Variants in R3HDM2 observed in about 807,000 individuals in gnomAD.
R3HDM2 encodes R3H domain containing 2, also known as R3H domain-containing protein 2.
A neutral mutation model predicts 124.5 loss-of-function variants in R3HDM2; 38 were observed. That is an observed-to-expected ratio of 0.31 (90% CI 0.24 to 0.40). R3HDM2 has a LOEUF of 0.40. Ranked by LOEUF, R3HDM2 falls within the 10% of genes least tolerant of loss-of-function variation. The pLI, the probability that R3HDM2 is intolerant of heterozygous loss-of-function variation, is 1.00. For synonymous variants in R3HDM2, 391 were observed against 448.0 expected (o/e 0.87, Z 1.61); for missense variants, 869 against 1,236.9 (o/e 0.70, Z 4.46).
intron 19 of R3HDM2, among the ~76,000 whole-genome samples, chr12:57,264,866 G>C (rs147136265): frequency 2.6e-5 from 4 of 152,174 alleles, no homozygotes; most frequent in Admixed American, 2.6e-4. Flanking sequence ...CGAACTCCTG[G>C]CTTCAAGAAA....
At chr12:57,371,541 C>A (rs1035316726) in intron 2 of R3HDM2, among the ~76,000 whole-genome samples, 4 of 151,966 alleles carry the variant, frequency 2.6e-5, no homozygotes, top group African/African-American at 9.7e-5. Context: ...AGCCAATCCC[C>A]CACAACCCAA....
intron 1 of R3HDM2, among the ~76,000 whole-genome samples, chr12:57,422,797 A>G (rs1321455061): frequency 6.6e-6 from 1 of 151,754 alleles, no homozygotes; most frequent in African/African-American, 2.4e-5. Flanking sequence ...CCTGGGCAAC[A>G]CAGGAAGAAC....
At chr12:57,323,225 A>G (rs2056743661) in intron 2 of R3HDM2, among the ~76,000 whole-genome samples, 1 of 152,212 alleles carries the variant, frequency 6.6e-6, no homozygotes, top group African/African-American at 2.4e-5. Context: ...AAACAAAAAC[A>G]GTATAACTGC....
At chr12:57,335,728 C>T in intron 2 of R3HDM2, among the ~76,000 whole-genome samples, 1 of 150,362 alleles carries the variant, frequency 6.7e-6, no homozygotes, top group Admixed American at 6.6e-5. Context: ...GCCTTGAACT[C>T]CTGGCCTCAC....
chr12:57,303,407 T>C (rs985905927), intron 3 of R3HDM2, among the ~76,000 whole-genome samples, 190 bp from the exon 4 acceptor site: 1 of 152,074 alleles, frequency 6.6e-6, no homozygotes, highest in South Asian at 2.1e-4. Context: ...GGAAAGGGAC[T>C]ACAGGCCAAT....
chr12:57,420,992 C>G (rs767500944), intron 1 of R3HDM2, among the ~76,000 whole-genome samples: 2 of 151,948 alleles, frequency 1.3e-5, no homozygotes, highest in African/African-American at 2.4e-5. Context: ...AAACGTGCAT[C>G]TTCCTATATT....
rs1305613852 is a variant in R3HDM2, at chr12:57,269,898, G to A, written c.1441C>T (p.Leu481Phe). ...GTCTGCTGAGGGTGCTGGGAGATAA[G>A]TGGGGTCTGGAATAGAGCTGCAGAT... ...DPSAALFQTPLISQHPQQTSF... is the reference protein window; with the variant it reads ...DPSAALFQTPFISQHPQQTSF... Residue 481 changes from leucine (L) to phenylalanine (F), a missense_variant, in exon 15 of 24, where the codon CTT (leucine) becomes TTT (phenylalanine). By Grantham distance (22) the Leu-to-Phe change is conservative. Transcript: ENST00000402412. The A allele has an allele frequency of 1.2e-6, 2 of 1,614,096 alleles. No individual in the cohort carries two copies. The highest frequency in any genetic ancestry group is 1.3e-5 in the African/African-American group (1 of 74,930).
intron 14 of R3HDM2, among the ~76,000 whole-genome samples, chr12:57,270,398 T>TTGTTC (rs2043324313): frequency 3.0e-5 from 1 of 33,046 alleles, no homozygotes; most frequent in African/African-American, 9.0e-5. Context: ...AATTCTTATT[T>TTGTTC]TGTTTTGTTT....
chr12:57,385,926 A>C (rs1358005716), intron 2 of R3HDM2, among the ~76,000 whole-genome samples: 1 of 152,122 alleles, frequency 6.6e-6, no homozygotes, highest in African/African-American at 2.4e-5. Context: ...GTATGGTAGC[A>C]TTTTCCAGAA....
At chr12:57,407,093 A>G (rs1258751655) in intron 1 of R3HDM2, among the ~76,000 whole-genome samples, 4 of 151,970 alleles carry the variant, frequency 2.6e-5, no homozygotes. Flanking sequence ...TACTAAAAAC[A>G]CAAAAAATTA....
chr12:57,334,228 A>AT (rs1379401574), intron 2 of R3HDM2, among the ~76,000 whole-genome samples: 2 of 152,342 alleles, frequency 1.3e-5, no homozygotes, highest in East Asian at 3.9e-4. Context: ...AGAATATGCA[A>AT]TTATCAAATT....
chr12:57,325,181 C>T (rs934567375), intron 2 of R3HDM2, among the ~76,000 whole-genome samples: 8 of 152,226 alleles, frequency 5.3e-5, no homozygotes, highest in South Asian at 2.1e-4. Flanking sequence ...CTCACTCTGT[C>T]GCCCAGGCTA....
At chr12:57,426,986 A>G (rs1459071527) in intron 1 of R3HDM2, among the ~76,000 whole-genome samples, 1 of 152,186 alleles carries the variant, frequency 6.6e-6, no homozygotes, top group African/African-American at 2.4e-5. Flanking sequence ...TGCTGAGGAT[A>G]CGGAAATTAA....
chr12:57,400,049 A>G (rs1391614686), intron 1 of R3HDM2, among the ~76,000 whole-genome samples: 1 of 152,178 alleles, frequency 6.6e-6, no homozygotes, highest in Non-Finnish European at 1.5e-5. Context: ...CTAGAACTAG[A>G]AATACCATTT....
intron 1 of R3HDM2, among the ~76,000 whole-genome samples, chr12:57,417,838 A>G (rs2069799381): frequency 6.6e-6 from 1 of 152,166 alleles, no homozygotes; most frequent in Admixed American, 6.6e-5. Context: ...GAATGGGCAT[A>G]GGCTACCTTG....
At chr12:57,257,083 T>A (rs2039292480) in intron 21 of R3HDM2, among the ~76,000 whole-genome samples, 1 of 152,144 alleles carries the variant, frequency 6.6e-6, no homozygotes, top group Non-Finnish European at 1.5e-5. Context: ...GCTCCCAAAG[T>A]GCTGGGATTA....
intron 4 of R3HDM2, 96 bp downstream of exon 4, chr12:57,303,080 C>T: frequency 8.3e-7 from 1 of 1,204,424 alleles, no homozygotes; most frequent in Non-Finnish European, 1.2e-6. Flanking sequence ...AAAACTCTGC[C>T]TACATAATTT....
At chr12:57,363,830 A>C (rs2062254530) in intron 2 of R3HDM2, among the ~76,000 whole-genome samples, 1 of 151,682 alleles carries the variant, frequency 6.6e-6, no homozygotes, top group Non-Finnish European at 1.5e-5. Context: ...GGATCACACC[A>C]CTGTGCTCCA....
intron 2 of R3HDM2, among the ~76,000 whole-genome samples, chr12:57,325,687 G>A (rs531486590): frequency 2.0e-5 from 3 of 151,368 alleles, no homozygotes; most frequent in Non-Finnish European, 4.4e-5. Flanking sequence ...TGGAACCACA[G>A]GCATGCACTA....
Sources: allele counts gnomAD v4.1 joint callset (sites outside exome capture counted in the v4.1 genomes callset), GRCh38; gene constraint gnomAD v4.1.1; transcripts MANE v1.5; gene names NCBI Gene and HGNC (gene_info 2026-07-23, HGNC 2026-07-21).